Variants in FARP2 observed in about 807,000 individuals in gnomAD.
FARP2 encodes FERM, ARH/RhoGEF and pleckstrin domain protein 2, also known as FERM, ARHGEF and pleckstrin domain-containing protein 2.
FARP2 carries 111 observed loss-of-function variants against 130.5 expected under a neutral mutation model. The observed-to-expected ratio is 0.85, with a 90% confidence interval of 0.73 to 1.00. The LOEUF (loss-of-function observed/expected upper bound fraction) is 1.00, where lower values mean the gene tolerates loss of function less well. FARP2 is among the 50% of genes least tolerant of loss of function. The probability of loss-of-function intolerance (pLI) is 0.00; values close to 1 mark genes in which losing one functional copy is unlikely to be tolerated. For missense variants in FARP2, 1,385 were observed against 1,346.3 expected, an observed-to-expected ratio of 1.03 and a Z score of -0.45; for synonymous variants, 504 against 516.9, an observed-to-expected ratio of 0.98 and a Z score of 0.34.
intron 7 of FARP2, among the ~76,000 whole-genome samples, chr2:241,415,161 G>T (rs968820695): frequency 5.9e-5 from 9 of 152,302 alleles, no homozygotes; most frequent in African/African-American, 1.4e-4. Flanking sequence ...TCATCCATTT[G>T]CCTGACCTGA....
chr2:241,465,906 G>A, intron 17 of FARP2: 1 of 1,436,374 alleles, frequency 7.0e-7, no homozygotes, highest in Non-Finnish European at 9.1e-7. Context: ...ACTGCATTCA[G>A]CCTAGGTGCC....
chr2:241,478,803 T>G (rs1334759219), intron 19 of FARP2: 1 of 400,504 alleles, frequency 2.5e-6, no homozygotes, highest in Non-Finnish European at 4.9e-6. Flanking sequence ...ACACAGGTGG[T>G]GTCCACCATG....
Position 241,460,780 on chromosome 2 carries a change from C to G in FARP2, c.1588-1743C>G, listed in dbSNP as rs546238338. ...CAAGAGGTGGGGGCTGAGCTGGTGGCAGAGCCACATGGTGGCAGGGCTGTG... is the reference window on the plus strand; with the variant it reads ...CAAGAGGTGGGGGCTGAGCTGGTGGGAGAGCCACATGGTGGCAGGGCTGTG... On this transcript the variant is annotated intron_variant, in intron 14 of 26. Transcript: ENST00000264042. 6.6e-5 allele frequency among the ~76,000 whole-genome samples: 10 copies of G among 152,260 alleles called. No individual in the cohort carries two copies. The East Asian group carries it at 1.9e-3, about 29-fold the overall frequency.
chr2:241,398,283 A>G (rs1028870888), intron 2 of FARP2, among the ~76,000 whole-genome samples: 1 of 152,196 alleles, frequency 6.6e-6, no homozygotes, highest in Admixed American at 6.6e-5. Context: ...TGCCTGTCTC[A>G]GTTATGACCC....
chr2:241,393,619 A>G (rs1202509464), intron 2 of FARP2, among the ~76,000 whole-genome samples: 2 of 152,190 alleles, frequency 1.3e-5, no homozygotes, highest in East Asian at 1.9e-4. Flanking sequence ...ATCTAGATAG[A>G]TAGAGGAGTT....
intron 2 of FARP2, among the ~76,000 whole-genome samples, chr2:241,376,069 T>C (rs1451898321): frequency 6.6e-6 from 1 of 152,084 alleles, no homozygotes; most frequent in Non-Finnish European, 1.5e-5. Context: ...ACAGGTCTGT[T>C]TGTTGGTTTG....
At chr2:241,452,942 CAA>C (rs537402564) in intron 13 of FARP2, among the ~76,000 whole-genome samples, 1 of 123,690 alleles carries the variant, frequency 8.1e-6, no homozygotes. Flanking sequence ...GACTCGGTCT[CAA>C]AAAAAAAAAA....
intron 4 of FARP2, 53 bp downstream of exon 4, chr2:241,404,894 T>A: frequency 7.2e-7 from 1 of 1,386,586 alleles, no homozygotes. Context: ...TGTGTTGTCC[T>A]GGAATGTTTA....
At chr2:241,458,807 G>A (rs1183645180) in intron 14 of FARP2, among the ~76,000 whole-genome samples, 1 of 152,250 alleles carries the variant, frequency 6.6e-6, no homozygotes, top group Non-Finnish European at 1.5e-5. Flanking sequence ...CACATCTGAG[G>A]ATAATTGGGC....
At chr2:241,434,112 C>T (rs761718617) in intron 9 of FARP2, 46 bp from the exon 10 acceptor site, 20 of 1,422,392 alleles carry the variant, frequency 1.4e-5, no homozygotes, top group African/African-American at 7.2e-5. Context: ...TTCTCTTGTC[C>T]AATACTTCAT....
Position 241,490,045 on chromosome 2 carries a change from G to A in FARP2, c.2504+1G>A. Reference sequence around the variant, plus strand: ...AGAAAACAATCGTGGTGGCAGCCAGGTAAGGGTCTTCCATGTCTCCATCCT... The same window carrying A: ...AGAAAACAATCGTGGTGGCAGCCAGATAAGGGTCTTCCATGTCTCCATCCT... On this transcript the variant is annotated splice_donor_variant, in intron 22 of 26. Transcript: ENST00000264042. LOFTEE classifies it high-confidence loss of function. 1 of 1,611,412 alleles carries A rather than the reference G, an allele frequency of 6.2e-7. No individual in the cohort carries two copies.
At chr2:241,449,115 A>G (rs1288819484) in intron 13 of FARP2, among the ~76,000 whole-genome samples, 4 of 152,182 alleles carry the variant, frequency 2.6e-5, no homozygotes, top group South Asian at 4.1e-4. Flanking sequence ...TCAGGTTCAC[A>G]TTTACTTGGA....
intron 13 of FARP2, among the ~76,000 whole-genome samples, chr2:241,452,960 A>C (rs1410060014): frequency 6.6e-6 from 1 of 151,240 alleles, no homozygotes; most frequent in East Asian, 2.0e-4. Flanking sequence ...AAAAAGAAAA[A>C]TGTTTAACGG....
rs1156670434 is a variant in FARP2 at position 241,439,210 on chromosome 2, G to A, written c.1159-2094G>A. 2.0e-5 allele frequency among the ~76,000 whole-genome samples: 3 copies of A among 151,538 alleles called. No individual in the cohort carries two copies. The South Asian group carries it at 6.3e-4, about 32-fold the overall frequency. On this transcript the variant is annotated intron_variant, in intron 12 of 26. Coordinates refer to ENST00000264042, the MANE Select transcript of FARP2 (RefSeq NM_014808.4). ...TTGTATTTTTTTTTGTAGAGACAGAGTCTCACCATGTTGCCCAGGCTGGTC... is the reference window on the plus strand; with the variant it reads ...TTGTATTTTTTTTTGTAGAGACAGAATCTCACCATGTTGCCCAGGCTGGTC...
intron 12 of FARP2, among the ~76,000 whole-genome samples, chr2:241,438,358 C>T (rs2063296253): frequency 6.6e-6 from 1 of 152,030 alleles, no homozygotes; most frequent in African/African-American, 2.4e-5. Context: ...AGTTTGAGAC[C>T]AGCCTGGACA....
chr2:241,452,287 C>A (rs185665620), intron 13 of FARP2, among the ~76,000 whole-genome samples: 6 of 152,052 alleles, frequency 3.9e-5, no homozygotes, highest in Non-Finnish European at 8.8e-5. Flanking sequence ...TTCAGCTAAA[C>A]CTGTTCCCCA....
intron 23 of FARP2, 29 bp downstream of exon 23, chr2:241,491,208 ACCT>A: frequency 6.7e-7 from 1 of 1,495,778 alleles, no homozygotes; most frequent in Non-Finnish European, 9.3e-7. Context: ...CCCCCAGGAG[ACCT>A]CCACTACACC....
intron 21 of FARP2, among the ~76,000 whole-genome samples, chr2:241,486,500 A>G (rs2064756839): frequency 1.3e-5 from 1 of 79,762 alleles, no homozygotes; most frequent in South Asian, 3.7e-4. Context: ...CAGAGAAAAG[A>G]AACAAGAAAA....
At chr2:241,425,256 C>T (rs1170240610) in intron 8 of FARP2, among the ~76,000 whole-genome samples, 2 of 152,026 alleles carry the variant, frequency 1.3e-5, no homozygotes, top group Non-Finnish European at 2.9e-5. Flanking sequence ...CAATGCCATT[C>T]AGGACACAGG....
Sources: allele counts gnomAD v4.1 joint callset (sites outside exome capture counted in the v4.1 genomes callset), GRCh38; gene constraint gnomAD v4.1.1; transcripts MANE v1.5; gene names NCBI Gene and HGNC (gene_info 2026-07-23, HGNC 2026-07-21).